Variants in CSMD3 observed in about 807,000 individuals in gnomAD.
CSMD3 encodes the protein CUB and Sushi multiple domains 3, also known as CUB and sushi domain-containing protein 3.
In CSMD3, 177 loss-of-function variants were observed where a neutral mutation model predicts 435.2. The observed-to-expected ratio is 0.41, with a 90% CI of 0.36 to 0.46. The LOEUF (loss-of-function observed/expected upper bound fraction) is 0.46. Ranked by LOEUF, CSMD3 falls within the 20% of genes least tolerant of loss-of-function variation. CSMD3 has a pLI of 0.34. For missense variants in CSMD3, 4,265 were observed against 4,504.6 expected (o/e 0.95, Z 1.52); for synonymous variants, 1,656 against 1,520.5 (o/e 1.09, Z -2.07).
At chr8:112,536,278 C>A (rs983145071) in intron 27 of CSMD3, among the ~76,000 whole-genome samples, 3 of 151,956 alleles carry the variant, frequency 2.0e-5, no homozygotes, top group Non-Finnish European at 4.4e-5. Flanking sequence ...ACTCATCTGA[C>A]AAAGGGCTAA....
At chr8:113,159,442 T>C (rs1360748812) in intron 4 of CSMD3, among the ~76,000 whole-genome samples, 1 of 151,890 alleles carries the variant, frequency 6.6e-6, no homozygotes, top group Non-Finnish European at 1.5e-5. Flanking sequence ...ATAGCAATTA[T>C]GGGAAAAAAT....
chr8:112,907,672 T>C (rs1381500344), intron 10 of CSMD3, among the ~76,000 whole-genome samples: 3 of 151,322 alleles, frequency 2.0e-5, no homozygotes, highest in African/African-American at 7.3e-5. Flanking sequence ...CATGGTCATA[T>C]CTACCTATTT....
At chr8:113,162,123 T>C (rs954054567) in intron 4 of CSMD3, among the ~76,000 whole-genome samples, 1 of 152,052 alleles carries the variant, frequency 6.6e-6, no homozygotes, top group African/African-American at 2.4e-5. Flanking sequence ...AGAGTGTAGG[T>C]TGTTATAAAA....
chr8:112,224,986 C>CTACA, intron 70 of CSMD3, 56 bp from the exon 71 acceptor site: 6 of 1,506,116 alleles, frequency 4.0e-6, no homozygotes, highest in Non-Finnish European at 5.5e-6. Flanking sequence ...AAACAGCAGA[C>CTACA]TACAGCTCAA....
At chr8:112,406,376 AT>A in intron 35 of CSMD3, 147 bp downstream of exon 35, 1 of 465,694 alleles carries the variant, frequency 2.1e-6, no homozygotes, top group East Asian at 3.4e-5. Flanking sequence ...ATCTCCACTG[AT>A]TTTTCATATT....
In CSMD3 at chr8:112,938,645, A is replaced by T. The variant is rs1012133544; in HGVS notation, c.1508+9145T>A. On this transcript the variant is annotated intron_variant, in intron 9 of 70. Transcript: ENST00000297405. ...TAAGTTAGAGGAAATGGTAGTTTTT[A>T]CTTTTACATTGATTTTTTAAAATAC... Among the ~76,000 whole-genome samples, 3 of 152,122 alleles carry T rather than the reference A, an allele frequency of 2.0e-5. No individual in the cohort carries two copies. The East Asian group carries it at 5.8e-4, about 29-fold the overall frequency.
chr8:112,594,356 C>G (rs1027939919), intron 22 of CSMD3, among the ~76,000 whole-genome samples: 2 of 152,184 alleles, frequency 1.3e-5, no homozygotes, highest in Non-Finnish European at 2.9e-5. Context: ...GCACCCGGCT[C>G]GGAGGGTCCT....
chr8:112,396,063 G>C (rs1830834292), intron 35 of CSMD3, among the ~76,000 whole-genome samples: 1 of 152,062 alleles, frequency 6.6e-6, no homozygotes, highest in Non-Finnish European at 1.5e-5. Context: ...CATGTCTTAT[G>C]GGGCTGCTTT....
At chr8:112,596,868 T>C (rs1410711846) in intron 22 of CSMD3, among the ~76,000 whole-genome samples, 1 of 150,694 alleles carries the variant, frequency 6.6e-6, no homozygotes, top group African/African-American at 2.4e-5. Context: ...TTCAAAGCAG[T>C]GTGTAGAGGG....
intron 1 of CSMD3, among the ~76,000 whole-genome samples, chr8:113,328,248 C>G (rs911661636): frequency 2.6e-5 from 4 of 151,462 alleles, no homozygotes; most frequent in African/African-American, 9.7e-5. Context: ...ACCATCCCGG[C>G]TAAAACGGTG....
At chr8:112,915,976 T>C (rs2130578047) in intron 10 of CSMD3, among the ~76,000 whole-genome samples, 1 of 151,964 alleles carries the variant, frequency 6.6e-6, no homozygotes, top group Non-Finnish European at 1.5e-5. Context: ...AATTTGCAAC[T>C]GAAAGGAGAC....
At chr8:113,093,553 T>C (rs2090071503) in intron 5 of CSMD3, among the ~76,000 whole-genome samples, 1 of 151,990 alleles carries the variant, frequency 6.6e-6, no homozygotes, top group Non-Finnish European at 1.5e-5. Flanking sequence ...AGAGAAATGA[T>C]GGGTAAGCTA....
Position 112,552,461 on chromosome 8 carries a change from G to T in CSMD3, c.4361+133C>A, listed in dbSNP as rs1827770591. 5.9e-6 allele frequency: 5 copies of T among 849,344 alleles called. No homozygotes were observed. The East Asian group carries it at 1.3e-4, about 22-fold the overall frequency. The allele number at this position is 849,344 out of a possible 1,614,324, so 52.6% of individuals were successfully genotyped here. The stretch of plus-strand genomic sequence containing the variant: ...AGATCGAGCCCTGCCTTCCGGTCTG[G>T]ATGTCAGAGCAAGACTCTGCCTCAA... On this transcript the variant is annotated intron_variant, in intron 26 of 70. Transcript: ENST00000297405.
intron 2 of CSMD3, among the ~76,000 whole-genome samples, chr8:113,299,602 C>T (rs1207851903): frequency 6.6e-6 from 1 of 152,064 alleles, no homozygotes; most frequent in African/African-American, 2.4e-5. Context: ...AGCCAACAAA[C>T]ACATGAAAAA....
intron 25 of CSMD3, among the ~76,000 whole-genome samples, chr8:112,555,802 T>G (rs1828063291): frequency 6.6e-6 from 1 of 152,032 alleles, no homozygotes; most frequent in Admixed American, 6.6e-5. Flanking sequence ...AGAAATATTC[T>G]ACTTTTGTCA....
chr8:113,128,098 A>G (rs1487179523), intron 4 of CSMD3, among the ~76,000 whole-genome samples: 2 of 152,088 alleles, frequency 1.3e-5, no homozygotes, highest in Non-Finnish European at 2.9e-5. Flanking sequence ...TTCATTTCAG[A>G]TCTTTGTTTC....
At chr8:112,880,041 C>T (rs1292724810) in intron 10 of CSMD3, among the ~76,000 whole-genome samples, 4 of 151,934 alleles carry the variant, frequency 2.6e-5, no homozygotes, top group African/African-American at 9.7e-5. Flanking sequence ...GCACATTCTG[C>T]ACACGTATCC....
chr8:112,809,963 A>G (rs553440390), intron 12 of CSMD3, among the ~76,000 whole-genome samples: 10 of 152,114 alleles, frequency 6.6e-5, no homozygotes, highest in Non-Finnish European at 1.0e-4. Flanking sequence ...TCAACAAGAA[A>G]CAATTGAAAC....
intron 3 of CSMD3, among the ~76,000 whole-genome samples, chr8:113,221,587 T>A (rs1180433301): frequency 6.6e-6 from 1 of 151,346 alleles, no homozygotes; most frequent in Non-Finnish European, 1.5e-5. Flanking sequence ...AAGCGCTTAA[T>A]CTGTTTTGGT....
Sources: gnomAD v4.1 joint callset for allele counts (sites outside exome capture counted in the v4.1 genomes callset) on GRCh38, gnomAD v4.1.1 for gene constraint, MANE v1.5 for transcripts, NCBI Gene and HGNC (gene_info 2026-07-23, HGNC 2026-07-21) for gene names.